Variants in NCBP1 observed in about 807,000 individuals in gnomAD.
The protein encoded by NCBP1 is nuclear cap binding protein subunit 1, also known as nuclear cap-binding protein subunit 1.
A neutral mutation model predicts 111.7 loss-of-function variants in NCBP1; 16 were observed. That is an observed-to-expected ratio of 0.14 (90% confidence interval 0.10 to 0.22). The LOEUF is 0.22. Among genes scored for constraint, NCBP1 ranks in the 10% least tolerant of loss-of-function variants. The pLI is 1.00. For synonymous variants in NCBP1, 304 were observed against 314.3 expected, an observed-to-expected ratio of 0.97 and a Z score of 0.35; for missense variants, 607 against 957.5, an observed-to-expected ratio of 0.63 and a Z score of 4.83.
intron 14 of NCBP1, among the ~76,000 whole-genome samples, chr9:97,657,922 ATATATT>A (rs1473186651): frequency 3.1e-4 from 36 of 117,336 alleles, no homozygotes; most frequent in African/African-American, 1.0e-3. Flanking sequence ...ATATATATAT[ATATATT>A]TTTTTTTTTT....
intron 22 of NCBP1, among the ~76,000 whole-genome samples, chr9:97,670,575 C>T (rs1045111062): frequency 6.6e-6 from 1 of 152,224 alleles, no homozygotes; most frequent in Non-Finnish European, 1.5e-5. Context: ...GGAATTCCCT[C>T]TGATTTTATA....
intron 3 of NCBP1, among the ~76,000 whole-genome samples, chr9:97,642,571 A>T (rs1827232300): frequency 1.3e-5 from 2 of 152,244 alleles, no homozygotes; most frequent in African/African-American, 4.8e-5. Context: ...ATACTTTTAA[A>T]ATAACTTTAA....
At chr9:97,661,734 T>G (rs895613470) in intron 16 of NCBP1, among the ~76,000 whole-genome samples, 1 of 113,898 alleles carries the variant, frequency 8.8e-6, no homozygotes. Flanking sequence ...GCTTAAGTGT[T>G]TTTTTTTTTT....
At chr9:97,641,732 T>A in intron 3 of NCBP1, 70 bp downstream of exon 3, 2 of 1,385,114 alleles carry the variant, frequency 1.4e-6, no homozygotes, top group South Asian at 3.1e-5. Context: ...TTGGGAAATG[T>A]TCAAAATACA....
intron 4 of NCBP1, among the ~76,000 whole-genome samples, chr9:97,643,584 A>G (rs1026470343): frequency 6.6e-6 from 1 of 152,100 alleles, no homozygotes; most frequent in Non-Finnish European, 1.5e-5. Context: ...CATAGCCTTC[A>G]GATACCTTAC....
Position 97,666,852 on chromosome 9 carries a change from A to T in NCBP1, c.1991A>T (p.Glu664Val), listed in dbSNP as rs1828018870. The T allele has an allele frequency of 3.7e-6, 6 of 1,609,544 alleles. No individual in the cohort carries two copies. Among genetic ancestry groups the T allele is most frequent in the Non-Finnish European group, 5.1e-6 (6 of 1,178,418 alleles). ...CAGAAAGAGCTGGAAGAAGCTAAAGAGAAACTTGCTAGGCAACACAAACGG... is the reference window on the plus strand; with the variant it reads ...CAGAAAGAGCTGGAAGAAGCTAAAGTGAAACTTGCTAGGCAACACAAACGG... ...KIQKELEEAK[E>V]KLARQHKRRS... is the part of the protein sequence containing the mutation. The change falls in exon 20 of 23, where the codon GAG (glutamate) becomes GTG (valine). Residue 664 changes from glutamate to valine, a missense_variant. Transcript: ENST00000375147.
chr9:97,637,200 G>T (rs570630450), intron 1 of NCBP1, among the ~76,000 whole-genome samples: 1 of 152,284 alleles, frequency 6.6e-6, no homozygotes, highest in East Asian at 1.9e-4. Flanking sequence ...AGGGGGGTAG[G>T]ATTAGGAGGC....
Position 97,666,899 on chromosome 9 carries a change from A to G in NCBP1, c.2016+22A>G, listed in dbSNP as rs368377217. The G allele has an allele frequency of 3.4e-6, 5 of 1,467,106 alleles. No individual in the cohort carries two copies. The African/African-American group carries it at 4.3e-5, about 13-fold the overall frequency. The allele number at this position is 1,467,106 out of a possible 1,614,324, so 90.9% of individuals were successfully genotyped here. Reference sequence around the variant, plus strand: ...ACGGGTAAGTTTTGTGTAAACTTGTAAGTAGTTAAAGAAAATATACCAGAA... The same window carrying G: ...ACGGGTAAGTTTTGTGTAAACTTGTGAGTAGTTAAAGAAAATATACCAGAA... On this transcript the variant is annotated intron_variant, in intron 20 of 22. Transcript: ENST00000375147.
intron 14 of NCBP1, among the ~76,000 whole-genome samples, chr9:97,656,503 A>G (rs1440654643): frequency 2.0e-5 from 3 of 152,168 alleles, no homozygotes; most frequent in Non-Finnish European, 4.4e-5. Context: ...TTGAGCCAAG[A>G]TGGCGCCACT....
rs1030800787 is a variant in NCBP1 at position 97,635,518 on chromosome 9, C to T, written c.34+1603C>T. On this transcript the variant is annotated intron_variant, in intron 1 of 22. Transcript: ENST00000375147. The stretch of plus-strand genomic sequence containing the variant: ...CTCCGCCTCTCAGGCTCAAGTGATC[C>T]TCCCACCTCAGCCTCCTAAGTAACT... 7.3e-5 allele frequency among the ~76,000 whole-genome samples: 11 copies of T among 151,482 alleles called. No individual in the cohort carries two copies. The South Asian group carries it at 2.3e-3, about 32-fold the overall frequency.
chr9:97,670,037 C>T (rs897411674), intron 22 of NCBP1: 43 of 376,482 alleles, frequency 1.1e-4, no homozygotes, highest in African/African-American at 8.8e-4. Flanking sequence ...ATTCTTCTGC[C>T]TCAGCCTCCC....
rs551106628 is a variant in NCBP1, at chr9:97,642,691, C to T, written c.225-513C>T. 1.5e-3 allele frequency among the ~76,000 whole-genome samples: 233 copies of T among 152,156 alleles called. 3 individuals are homozygous for T. The highest frequency in any genetic ancestry group is 5.3e-3 in the African/African-American group (222 of 41,534). On this transcript the variant is annotated intron_variant, in intron 3 of 22. Transcript: ENST00000375147. ...TAAACTGGTAGGAACTTAGATGAAACTCGTTTTAATTGTGCATCTTTTCTA... is the reference window on the plus strand; with the variant it reads ...TAAACTGGTAGGAACTTAGATGAAATTCGTTTTAATTGTGCATCTTTTCTA...
chr9:97,671,186 C>T lies in NCBP1; in HGVS notation c.2360C>T (p.Ala787Val). 6.2e-7 allele frequency: 1 copy of T among 1,606,274 alleles called. No homozygotes were observed. The highest frequency in any genetic ancestry group is 8.5e-7 in the Non-Finnish European group (1 of 1,173,094). The change falls in exon 23 of 23, where the codon GCC (alanine) becomes GTC (valine). Residue 787 changes from alanine to valine, a missense_variant. Coordinates refer to ENST00000375147, the MANE Select transcript of NCBP1 (RefSeq NM_002486.5). ...TTGGCCGTGTTCCAGCAGTTCTGTG[C>T]CCTGCAGGCCTAAGGGTCATTTTTT... is the stretch of plus-strand genomic sequence containing the variant. ...HILAVFQQFC[A>V]LQA
intron 1 of NCBP1, among the ~76,000 whole-genome samples, chr9:97,635,224 G>A (rs1826975291): frequency 6.6e-6 from 1 of 152,154 alleles, no homozygotes. Flanking sequence ...ACACCTAAGG[G>A]TCTAGAGACT....
chr9:97,635,927 A>G (rs1318015012), intron 1 of NCBP1: 1 of 152,174 alleles, frequency 6.6e-6, no homozygotes, highest in Non-Finnish European at 1.5e-5. Flanking sequence ...TAATATGTAG[A>G]AAAATAACTT....
intron 10 of NCBP1, 121 bp from the exon 11 acceptor site, chr9:97,653,677 G>T: frequency 4.9e-6 from 3 of 611,242 alleles, no homozygotes; most frequent in Non-Finnish European, 7.8e-6. Flanking sequence ...ATATTAAAAA[G>T]TAATTCCATT....
chr9:97,638,893 TAGA>T (rs1303243515), intron 1 of NCBP1, among the ~76,000 whole-genome samples: 2 of 152,178 alleles, frequency 1.3e-5, no homozygotes, highest in Non-Finnish European at 2.9e-5. Context: ...ACTACTGCTG[TAGA>T]AGAAGGCTAT....
chr9:97,633,843 C>G lies in NCBP1; in HGVS notation c.-39C>G, dbSNP rs771275696. 4 of 1,565,588 alleles carry G rather than the reference C, an allele frequency of 2.6e-6. No homozygotes were observed. Among genetic ancestry groups the G allele is most frequent in the Non-Finnish European group, 2.6e-6 (3 of 1,162,408 alleles). On this transcript the variant is annotated 5_prime_UTR_variant, in exon 1 of 23. Coordinates refer to ENST00000375147, the MANE Select transcript of NCBP1 (RefSeq NM_002486.5). ...GCCAGACAGTTCCTGCAGCGCTTAC[C>G]GCCTGGCCTCTCGGTTCCGCGGCGC...
Position 97,653,747 on chromosome 9 carries a change from A to T in NCBP1, c.1060-51A>T, listed in dbSNP as rs150403796. On this transcript the variant is annotated intron_variant, in intron 10 of 22. Coordinates refer to ENST00000375147, the MANE Select transcript of NCBP1 (RefSeq NM_002486.5). ...TAGAATGTTAAGGTCTTTCTAATAG[A>T]AGTGCAAAGATAGCAGTTGGATTGA... The T allele has an allele frequency of 3.3e-3, 4,494 of 1,372,492 alleles. 23 individuals are homozygous for T. The highest frequency in any genetic ancestry group is 0.023 in the Middle Eastern group (127 of 5,508). 85.0% of individuals were successfully genotyped at this position (1,372,492 alleles called of 1,614,324 possible).
Sources: allele counts gnomAD v4.1 joint callset (sites outside exome capture counted in the v4.1 genomes callset), GRCh38; gene constraint gnomAD v4.1.1; transcripts MANE v1.5; gene names NCBI Gene and HGNC (gene_info 2026-07-23, HGNC 2026-07-21).